The following RANGAP1 variants were observed in gnomAD, a reference collection of about 807,000 sequenced individuals.
RANGAP1 encodes the protein Ran GTPase activating protein 1, also known as ran GTPase-activating protein 1.
A neutral mutation model predicts 63.5 loss-of-function variants in RANGAP1; 38 were observed. That is an observed-to-expected ratio of 0.60 (90% CI 0.46 to 0.78). The LOEUF (loss-of-function observed/expected upper bound fraction) is 0.78. RANGAP1 is among the 30% of genes least tolerant of loss of function. The pLI is 0.00. For synonymous variants in RANGAP1, 329 were observed against 310.5 expected, an observed-to-expected ratio of 1.06 and a Z score of -0.63; for missense variants, 630 against 740.3, an observed-to-expected ratio of 0.85 and a Z score of 1.73.
intron 13 of RANGAP1, among the ~76,000 whole-genome samples, chr22:41,250,540 T>G (rs918160609): frequency 6.6e-6 from 1 of 151,562 alleles, no homozygotes; most frequent in Non-Finnish European, 1.5e-5. Flanking sequence ...GGGGAGAGGG[T>G]TGTGATAGGG....
At chr22:41,293,893 G>A in the RANGAP1 span, among the ~76,000 whole-genome samples, 2 of 151,968 alleles carry the variant, frequency 1.3e-5, no homozygotes, top group Admixed American at 1.3e-4. Context: ...AAACTCCTGG[G>A]ATCAAGCAAT....
In RANGAP1 at chr22:41,256,300, A is replaced by G. The variant is rs754329116; in HGVS notation, c.889-10T>C. On this transcript the variant is annotated splice_polypyrimidine_tract_variant and intron_variant, in intron 8 of 15. Transcript: ENST00000356244. Reference sequence around the variant, plus strand: ...ATGACAAGTTCAGCTCCTGAAAATAAGAGGAAGGGTTGGAGGCAGGCAGAA... The same window carrying G: ...ATGACAAGTTCAGCTCCTGAAAATAGGAGGAAGGGTTGGAGGCAGGCAGAA... 7 of 1,613,762 alleles carry G rather than the reference A, an allele frequency of 4.3e-6. No homozygotes were observed. The South Asian group carries it at 5.5e-5, about 13-fold the overall frequency.
chr22:41,248,604 T>C (rs537270748), intron 15 of RANGAP1, among the ~76,000 whole-genome samples: 1 of 152,326 alleles, frequency 6.6e-6, no homozygotes, highest in South Asian at 2.1e-4. Context: ...GTCAGGGCGC[T>C]TGGAGACAAT....
chr22:41,264,193 A>C (rs905878718), intron 5 of RANGAP1, among the ~76,000 whole-genome samples: 3 of 152,130 alleles, frequency 2.0e-5, no homozygotes, highest in Admixed American at 6.5e-5. Context: ...TCCACTCTAC[A>C]CTGACCAGCC....
chr22:41,297,814 C>T, the RANGAP1 span, among the ~76,000 whole-genome samples: 6 of 151,422 alleles, frequency 4.0e-5, no homozygotes, highest in Non-Finnish European at 8.8e-5. Context: ...GTTCAGCCTC[C>T]AGAGCAGCTG....
the RANGAP1 span, among the ~76,000 whole-genome samples, chr22:41,291,322 G>C: frequency 4.3e-3 from 648 of 152,274 alleles, 7 homozygotes; most frequent in African/African-American, 0.014. Flanking sequence ...CATCGGCTGG[G>C]TGCGGTGGCT....
chr22:41,260,848 A>C (rs372671415), intron 6 of RANGAP1, among the ~76,000 whole-genome samples: 1 of 152,200 alleles, frequency 6.6e-6, no homozygotes, highest in Non-Finnish European at 1.5e-5. Flanking sequence ...GCCTCAAAAA[A>C]AACAGGAAAG....
chr22:41,292,916 C>T, the RANGAP1 span, among the ~76,000 whole-genome samples: 1 of 150,332 alleles, frequency 6.7e-6, no homozygotes, highest in Non-Finnish European at 1.5e-5. Flanking sequence ...CCATCCTGGG[C>T]AACACAGCAA....
intron 5 of RANGAP1, among the ~76,000 whole-genome samples, chr22:41,263,369 T>A (rs1427180627): frequency 6.6e-6 from 1 of 152,138 alleles, no homozygotes; most frequent in East Asian, 1.9e-4. Flanking sequence ...TTTTTATATG[T>A]TTCTGTTTGT....
rs139523 is a variant in RANGAP1, at chr22:41,266,888, C to CTTTTTTTTTT, written c.300+1199_300+1208dup. 3.1e-3 allele frequency among the ~76,000 whole-genome samples: 421 copies of CTTTTTTTTTT among 137,138 alleles called. 9 individuals are homozygous for CTTTTTTTTTT. Among genetic ancestry groups the CTTTTTTTTTT allele is most frequent in the African/African-American group, 9.9e-3 (364 of 36,810 alleles). 90.0% of individuals were successfully genotyped at this position (137,138 alleles called of 152,430 possible). A position where few individuals can be genotyped will look rare whatever the true frequency, so the allele number is the denominator to read the frequency against. ...ACATGCAATCACTGAAATGAATTTCCTTTTTTTTTTGAGACGGAGTCTTGC... is the reference window on the plus strand; with the variant it reads ...ACATGCAATCACTGAAATGAATTTCCTTTTTTTTTTTTTTTTTTTTGAGACGGAGTCTTGC... On this transcript the variant is annotated intron_variant, in intron 4 of 15. Coordinates refer to ENST00000356244, the MANE Select transcript of RANGAP1 (RefSeq NM_002883.4).
At chr22:41,258,181 C>T in intron 6 of RANGAP1, 75 bp from the exon 7 acceptor site, 1 of 1,483,656 alleles carries the variant, frequency 6.7e-7, no homozygotes, top group Non-Finnish European at 9.1e-7. Context: ...AGCAATTCCA[C>T]ACAGCAGGCA....
intron 13 of RANGAP1, among the ~76,000 whole-genome samples, chr22:41,250,233 A>C (rs1015366757): frequency 7.2e-5 from 11 of 152,236 alleles, no homozygotes; most frequent in African/African-American, 1.9e-4. Context: ...ACTTGTTCCC[A>C]AAAATGCCCA....
At chr22:41,261,634 G>C in intron 5 of RANGAP1, 54 bp from the exon 6 acceptor site, 1 of 1,610,866 alleles carries the variant, frequency 6.2e-7, no homozygotes, top group Non-Finnish European at 8.5e-7. Flanking sequence ...TTCTCCCAGC[G>C]GGGTGGCCAC....
upstream of RANGAP1, among the ~76,000 whole-genome samples, chr22:41,286,467 C>G: frequency 6.6e-6 from 1 of 152,258 alleles, no homozygotes; most frequent in East Asian, 1.9e-4. Context: ...CAGCCGGGAG[C>G]GCCCAGAGAC....
upstream of RANGAP1, among the ~76,000 whole-genome samples, chr22:41,288,567 G>C (rs1362158721): frequency 6.6e-6 from 1 of 152,120 alleles, no homozygotes; most frequent in Non-Finnish European, 1.5e-5. Context: ...TGATCCGCAG[G>C]CTCCCTTTTC....
At chr22:41,293,388 G>C in the RANGAP1 span, among the ~76,000 whole-genome samples, 1 of 152,016 alleles carries the variant, frequency 6.6e-6, no homozygotes, top group Non-Finnish European at 1.5e-5. Context: ...CTTCAGCCTA[G>C]GCAACGGAGG....
intron 5 of RANGAP1, among the ~76,000 whole-genome samples, chr22:41,262,415 A>G (rs2034224425): frequency 1.3e-5 from 2 of 151,970 alleles, no homozygotes; most frequent in African/African-American, 2.4e-5. Flanking sequence ...TCCTTGGCAT[A>G]TTTTCTTGTT....
In RANGAP1 at chr22:41,274,618, C is replaced by T; in HGVS notation, c.222G>A (p.Glu74=). ...EAARVIAKAL[E]KKSELKRCHW... The stretch of plus-strand genomic sequence containing the variant: ...TGCTCACCTTCAACTCCGACTTCTT[C>T]TCTAAGGCCTTGGCGATGACCCTGG... The change falls in exon 3 of 16, where the codon GAG becomes GAA. Residue 74 remains glutamate, a synonymous_variant. Coordinates refer to ENST00000356244, the MANE Select transcript of RANGAP1 (RefSeq NM_002883.4). 6.2e-7 allele frequency: 1 copy of T among 1,614,156 alleles called. No homozygotes were observed. The highest frequency in any genetic ancestry group is 8.5e-7 in the Non-Finnish European group (1 of 1,180,002).
At chr22:41,259,194 A>G (rs894656667) in intron 6 of RANGAP1, among the ~76,000 whole-genome samples, 1 of 151,990 alleles carries the variant, frequency 6.6e-6, no homozygotes, top group East Asian at 1.9e-4. Context: ...GCCATGTCCC[A>G]GTCTCCACTG....
Sources: allele counts gnomAD v4.1 joint callset (sites outside exome capture counted in the v4.1 genomes callset), GRCh38; gene constraint gnomAD v4.1.1; transcripts MANE v1.5; gene names NCBI Gene and HGNC (gene_info 2026-07-23, HGNC 2026-07-21).